ALDH1L1: variants seen among roughly 807,000 people sequenced by gnomAD.
ALDH1L1 encodes the protein aldehyde dehydrogenase 1 family member L1.
A neutral mutation model predicts 101.1 loss-of-function variants in ALDH1L1; 68 were observed. That is an observed-to-expected ratio of 0.67 (90% CI 0.55 to 0.82). ALDH1L1 has a LOEUF of 0.82. Ranked by LOEUF, ALDH1L1 falls within the 40% of genes least tolerant of loss-of-function variation. The pLI, the probability that ALDH1L1 is intolerant of heterozygous loss-of-function variation, is 0.00. For missense variants in ALDH1L1, 1,087 were observed against 1,172.7 expected, an observed-to-expected ratio of 0.93 and a Z score of 1.07; for synonymous variants, 486 against 470.8, an observed-to-expected ratio of 1.03 and a Z score of -0.42.
chr3:126,194,304 G>A (rs2108355834), intron 1 of ALDH1L1, among the ~76,000 whole-genome samples: 1 of 152,190 alleles, frequency 6.6e-6, no homozygotes, highest in African/African-American at 2.4e-5. Context: ...CTTTGACAAG[G>A]CTTCCTATGT....
At chr3:126,183,372 A>G (rs1184055269), upstream of ALDH1L1, among the ~76,000 whole-genome samples, 1 of 152,038 alleles carries the variant, frequency 6.6e-6, no homozygotes, top group Non-Finnish European at 1.5e-5. Context: ...AGGGTCAGAG[A>G]CAATATAAAA....
At chr3:126,181,492 G>C (rs1215212176), upstream of ALDH1L1, 1 of 183,318 alleles carries the variant, frequency 5.5e-6, no homozygotes, top group African/African-American at 2.3e-5. Context: ...TGTTCTTTCA[G>C]AGCCTGCTCC....
At chr3:126,130,092 A>G (rs1323385359) in intron 14 of ALDH1L1, 131 bp downstream of exon 14, 5 of 794,016 alleles carry the variant, frequency 6.3e-6, no homozygotes, top group Admixed American at 3.8e-5. Context: ...GCAGGTGCTC[A>G]AGAAGCACAT....
chr3:126,111,184 C>A (rs1559915586), intron 19 of ALDH1L1, among the ~76,000 whole-genome samples: 1 of 152,270 alleles, frequency 6.6e-6, no homozygotes, highest in East Asian at 1.9e-4. Flanking sequence ...TGAGCTTGTG[C>A]CTCCCATCAC....
chr3:126,153,338 T>G (rs761515778), intron 7 of ALDH1L1, 106 bp downstream of exon 7: 2 of 1,570,796 alleles, frequency 1.3e-6, no homozygotes, highest in Admixed American at 3.4e-5. Context: ...GTCTGGTTTT[T>G]TCCATTTTCT....
chr3:126,107,380 G>T, intron 20 of ALDH1L1, 134 bp from the exon 21 acceptor site: 1 of 682,470 alleles, frequency 1.5e-6, no homozygotes, highest in Non-Finnish European at 2.6e-6. Flanking sequence ...CGGCACCCGT[G>T]TGATGGGTGT....
chr3:126,162,043 A>G (rs1442255566), intron 1 of ALDH1L1, among the ~76,000 whole-genome samples: 2 of 152,200 alleles, frequency 1.3e-5, no homozygotes, highest in African/African-American at 4.8e-5. Context: ...ATGTAGTTGT[A>G]CTGAGTTTAT....
At chr3:126,151,367 T>C (rs2080804156) in intron 7 of ALDH1L1, 1 of 152,170 alleles carries the variant, frequency 6.6e-6, no homozygotes, top group Non-Finnish European at 1.5e-5. Context: ...AGGATAGCAC[T>C]TCAAGCTGGT....
chr3:126,171,036 T>C (rs200810725), intron 1 of ALDH1L1, among the ~76,000 whole-genome samples: 31 of 152,176 alleles, frequency 2.0e-4, no homozygotes, highest in Non-Finnish European at 3.1e-4. Flanking sequence ...CGGTGGCTCA[T>C]GCCTGTAATC....
chr3:126,105,646 G>C, intron 22 of ALDH1L1, 80 bp downstream of exon 22: 1 of 1,503,106 alleles, frequency 6.7e-7, no homozygotes, highest in South Asian at 1.1e-5. Flanking sequence ...ATCTGAGATA[G>C]GACCTGGCCC....
intron 9 of ALDH1L1, among the ~76,000 whole-genome samples, chr3:126,145,447 T>C (rs2080655440): frequency 6.6e-6 from 1 of 152,216 alleles, no homozygotes; most frequent in Non-Finnish European, 1.5e-5. Flanking sequence ...CAAATGTCCA[T>C]CAACAGATGA....
upstream of ALDH1L1, among the ~76,000 whole-genome samples, chr3:126,183,295 A>T (rs1415517707): frequency 2.0e-5 from 3 of 152,204 alleles, no homozygotes; most frequent in Non-Finnish European, 4.4e-5. Context: ...CCTCAGTGAG[A>T]TCTACAGGAG....
Position 126,154,546 on chromosome 3 carries a change from G to A in ALDH1L1, c.720+8C>T, listed in dbSNP as rs1198304233. 7 of 1,614,002 alleles carry A rather than the reference G, an allele frequency of 4.3e-6. No homozygotes were observed. Among genetic ancestry groups the A allele is most frequent in the Non-Finnish European group, 5.9e-6 (7 of 1,179,872 alleles). The stretch of plus-strand genomic sequence containing the variant: ...ACGTGGCTGGATTCCAGCCATGCAG[G>A]GACACACCTGTTCACAGGCCTCTGT... On this transcript the variant is annotated splice_region_variant and intron_variant, in intron 6 of 22. Transcript: ENST00000393434.
chr3:126,154,094 G>A (rs1430958109), intron 6 of ALDH1L1, among the ~76,000 whole-genome samples: 1 of 152,166 alleles, frequency 6.6e-6, no homozygotes, highest in Non-Finnish European at 1.5e-5. Flanking sequence ...TTTGCACAAA[G>A]TCCACCACAC....
In ALDH1L1 at chr3:126,103,741, C is replaced by G. The variant is rs1945758192; in HGVS notation, c.*50G>C. The stretch of plus-strand genomic sequence containing the variant: ...GCACCCAGGCTCAAGAGGGAGGGGG[C>G]CCCAGCCACGAGGGAGGGGCAGGGA... On this transcript the variant is annotated 3_prime_UTR_variant, in exon 23 of 23. Coordinates refer to ENST00000393434, the MANE Select transcript of ALDH1L1 (RefSeq NM_012190.4). 1.3e-6 allele frequency: 2 copies of G among 1,596,624 alleles called. No individual in the cohort carries two copies. Among genetic ancestry groups the G allele is most frequent in the Non-Finnish European group, 1.7e-6 (2 of 1,169,272 alleles).
chr3:126,180,478 C>T lies in ALDH1L1; in HGVS notation c.-26G>A. 1 of 994,582 alleles carries T rather than the reference C, an allele frequency of 1.0e-6. No homozygotes were observed. Among genetic ancestry groups the T allele is most frequent in the South Asian group, 4.6e-5 (1 of 21,946 alleles). 61.6% of individuals were successfully genotyped at this position (994,582 alleles called of 1,614,324 possible). A position where few individuals can be genotyped will look rare whatever the true frequency, so the allele number is the denominator to read the frequency against. Reference sequence around the variant, plus strand: ...CTCTCGAGAGCCCAGAAACTCACCGCGCGCAGGAGTTGGTGCGGGCGTCCC... The same window carrying T: ...CTCTCGAGAGCCCAGAAACTCACCGTGCGCAGGAGTTGGTGCGGGCGTCCC... On this transcript the variant is annotated splice_region_variant and 5_prime_UTR_variant, in exon 1 of 23. Coordinates refer to ENST00000393434, the MANE Select transcript of ALDH1L1 (RefSeq NM_012190.4).
rs796909147 is a variant in ALDH1L1, at chr3:126,153,668, G to C, written c.721-87C>G. On this transcript the variant is annotated intron_variant, in intron 6 of 22. Coordinates refer to ENST00000393434, the MANE Select transcript of ALDH1L1 (RefSeq NM_012190.4). ...CAGGCAGGTCTGAGCAGGGCTGGGA[G>C]AGGGAGAGGGGCCAGGGGTAGCTGA... is the stretch of plus-strand genomic sequence containing the variant. 8.6e-6 allele frequency: 13 copies of C among 1,505,516 alleles called. No homozygotes were observed. The African/African-American group carries it at 1.8e-4, about 21-fold the overall frequency. The allele number at this position is 1,505,516 out of a possible 1,614,324, so 93.3% of individuals were successfully genotyped here.
chr3:126,155,768 T>C (rs2080892293), intron 4 of ALDH1L1: 1 of 356,574 alleles, frequency 2.8e-6, no homozygotes. Context: ...TAGATGATTA[T>C]ATAAACTGTA....
Position 126,103,751 on chromosome 3 carries a change from G to A in ALDH1L1, c.*40C>T, listed in dbSNP as rs748067052. The A allele has an allele frequency of 1.7e-5, 28 of 1,606,672 alleles. No homozygotes were observed. In the East Asian group the frequency reaches 2.2e-4, roughly 13 times the overall value. On this transcript the variant is annotated 3_prime_UTR_variant, in exon 23 of 23. Transcript: ENST00000393434. The stretch of plus-strand genomic sequence containing the variant: ...TCAAGAGGGAGGGGGCCCCAGCCAC[G>A]AGGGAGGGGCAGGGACTTTCTTCTC...
Sources: gnomAD v4.1 joint callset for allele counts (sites outside exome capture counted in the v4.1 genomes callset) on GRCh38, gnomAD v4.1.1 for gene constraint, MANE v1.5 for transcripts, NCBI Gene and HGNC (gene_info 2026-07-23, HGNC 2026-07-21) for gene names.